The following LDLRAD4 variants were observed in gnomAD, a reference collection of about 807,000 sequenced individuals.
LDLRAD4 encodes low-density lipoprotein receptor class A domain-containing protein 4.
Under a neutral mutation model 17.0 loss-of-function variants are expected in LDLRAD4, and 5 were observed. The observed-to-expected ratio is 0.29, with a 90% CI of 0.15 to 0.62. LDLRAD4 has a LOEUF of 0.62. Among genes scored for constraint, LDLRAD4 ranks in the 20% least tolerant of loss-of-function variants. LDLRAD4 has a pLI of 0.84. For synonymous variants in LDLRAD4, 168 were observed against 171.8 expected, an observed-to-expected ratio of 0.98 and a Z score of 0.17; for missense variants, 340 against 424.7, an observed-to-expected ratio of 0.80 and a Z score of 1.75.
intron 1 of LDLRAD4, among the ~76,000 whole-genome samples, chr18:13,270,998 G>T (rs1289350695): frequency 6.6e-6 from 1 of 152,162 alleles, no homozygotes; most frequent in Non-Finnish European, 1.5e-5. Flanking sequence ...AGTACACAGT[G>T]ACTACTACTA....
Position 13,505,180 on chromosome 18 carries a change from G to C in LDLRAD4, c.181+66796G>C, listed in dbSNP as rs187677660. ...TAGGAGCTGGTTACCCACAAGCGAA[G>C]CCTCAGTTAGATTCTCCCAGCAGAG... is the stretch of plus-strand genomic sequence containing the variant. On this transcript the variant is annotated intron_variant, in intron 3 of 5. Coordinates refer to ENST00000359446, the Ensembl canonical transcript of LDLRAD4. Among the ~76,000 whole-genome samples the C allele has an allele frequency of 3.3e-5, 5 of 152,340 alleles. No homozygotes were observed. The East Asian group carries it at 9.6e-4, about 29-fold the overall frequency.
At chr18:13,484,685 TCTG>T (rs2093175323) in intron 3 of LDLRAD4, among the ~76,000 whole-genome samples, 1 of 152,130 alleles carries the variant, frequency 6.6e-6, no homozygotes, top group Non-Finnish European at 1.5e-5. Context: ...GAAATTTTCT[TCTG>T]TAGGAATTAA....
At chr18:13,415,435 G>A (rs999082642) in intron 2 of LDLRAD4, among the ~76,000 whole-genome samples, 1 of 152,186 alleles carries the variant, frequency 6.6e-6, no homozygotes, top group African/African-American at 2.4e-5. Context: ...GAACAGCTGC[G>A]GTGGCAGCCC....
intron 1 of LDLRAD4, among the ~76,000 whole-genome samples, chr18:13,243,319 G>A (rs1463140250): frequency 6.6e-6 from 1 of 152,138 alleles, no homozygotes; most frequent in Non-Finnish European, 1.5e-5. Flanking sequence ...AGTGGACACT[G>A]GAATATCTCT....
intron 3 of LDLRAD4, among the ~76,000 whole-genome samples, chr18:13,447,828 A>G (rs1233361678): frequency 6.6e-6 from 1 of 152,212 alleles, no homozygotes; most frequent in Non-Finnish European, 1.5e-5. Flanking sequence ...CAGATGGGTC[A>G]TGAATACTGT....
At chr18:13,589,180 C>G (rs538680123) in intron 3 of LDLRAD4, among the ~76,000 whole-genome samples, 26 of 152,258 alleles carry the variant, frequency 1.7e-4, no homozygotes, top group African/African-American at 6.3e-4. Context: ...GTGATCCACC[C>G]ATCTCAGCCT....
intron 3 of LDLRAD4, chr18:13,585,259 A>G (rs1305531555): frequency 6.6e-6 from 1 of 152,228 alleles, no homozygotes; most frequent in East Asian, 1.9e-4. Context: ...ATGCATCAGG[A>G]ACAAATCTGT....
intron 3 of LDLRAD4, among the ~76,000 whole-genome samples, chr18:13,468,999 A>G (rs1243976640): frequency 4.0e-5 from 6 of 150,220 alleles, no homozygotes; most frequent in African/African-American, 1.5e-4. Context: ...TTAAAGTATA[A>G]TAATAATAAA....
At chr18:13,562,550 A>G (rs1444103570) in intron 3 of LDLRAD4, among the ~76,000 whole-genome samples, 3 of 152,238 alleles carry the variant, frequency 2.0e-5, no homozygotes, top group Non-Finnish European at 4.4e-5. Flanking sequence ...TCAGGCTCAC[A>G]TGTTCACCAC....
At chr18:13,246,247 T>C (rs2042948595) in intron 1 of LDLRAD4, among the ~76,000 whole-genome samples, 1 of 152,244 alleles carries the variant, frequency 6.6e-6, no homozygotes, top group African/African-American at 2.4e-5. Context: ...CATCACTGAC[T>C]TCAGGCTCTG....
intron 1 of LDLRAD4, among the ~76,000 whole-genome samples, chr18:13,313,137 T>A (rs2146765420): frequency 6.6e-6 from 1 of 152,320 alleles, no homozygotes; most frequent in African/African-American, 2.4e-5. Flanking sequence ...TTTGGGCGGC[T>A]AGAAGGATCT....
chr18:13,527,459 A>G (rs2094051163), intron 3 of LDLRAD4, among the ~76,000 whole-genome samples: 2 of 152,158 alleles, frequency 1.3e-5, no homozygotes, highest in Non-Finnish European at 2.9e-5. Context: ...TGTTGCACAC[A>G]CAGCTTTTCC....
Position 13,622,926 on chromosome 18 carries a change from G to A in LDLRAD4, c.336+1655G>A, listed in dbSNP as rs2040788515. Among the ~76,000 whole-genome samples the A allele has an allele frequency of 6.6e-6, 1 of 152,198 alleles. No individual in the cohort carries two copies. The highest frequency in any genetic ancestry group is 1.5e-5 in the Non-Finnish European group (1 of 68,022). On this transcript the variant is annotated intron_variant, in intron 4 of 5. Transcript: ENST00000359446. This position sits in a 1 kb window ranked among gnomAD's most constrained non-coding sequence, Gnocchi z 5.3. Reference sequence around the variant, plus strand: ...GTCTCTGTGCGCAGGCACACAGGGAGTTTTCTGTCCCCTGCCTGGGCGCTC... The same window carrying A: ...GTCTCTGTGCGCAGGCACACAGGGAATTTTCTGTCCCCTGCCTGGGCGCTC...
At chr18:13,235,644 G>A (rs1283558871) in intron 1 of LDLRAD4, among the ~76,000 whole-genome samples, 1 of 152,240 alleles carries the variant, frequency 6.6e-6, no homozygotes, top group Non-Finnish European at 1.5e-5. Context: ...CATTCCTATT[G>A]ATGGCTTTTA....
At chr18:13,535,133 T>C (rs1254561964) in intron 3 of LDLRAD4, among the ~76,000 whole-genome samples, 1 of 152,226 alleles carries the variant, frequency 6.6e-6, no homozygotes, top group African/African-American at 2.4e-5. Context: ...AATATTTCTG[T>C]GAATATTCAC....
chr18:13,590,117 G>A (rs1301020765), intron 3 of LDLRAD4, among the ~76,000 whole-genome samples: 1 of 151,920 alleles, frequency 6.6e-6, no homozygotes, highest in Non-Finnish European at 1.5e-5. Context: ...GTGACTGCAT[G>A]TGCGTGGGTG....
chr18:13,287,055 G>A (rs2045667011), intron 1 of LDLRAD4, among the ~76,000 whole-genome samples: 1 of 152,152 alleles, frequency 6.6e-6, no homozygotes, highest in Admixed American at 6.5e-5. Flanking sequence ...GGGCAAATGT[G>A]GGGAAATGAC....
rs567314170 is a variant in LDLRAD4 at position 13,324,311 on chromosome 18, G to A, written c.-383+46123G>A. 5.8e-4 allele frequency among the ~76,000 whole-genome samples: 72 copies of A among 125,186 alleles called. 2 individuals are homozygous for A. The East Asian group carries it at 0.016, about 28-fold the overall frequency. 82.1% of individuals were successfully genotyped at this position (125,186 alleles called of 152,430 possible). ...TGCCACCACACCTGGCTAATTTTTC[G>A]TATTTTTTTTTTAGTAGAGATGGGG... is the stretch of plus-strand genomic sequence containing the variant. On this transcript the variant is annotated intron_variant, in intron 1 of 5. Coordinates refer to ENST00000359446, the Ensembl canonical transcript of LDLRAD4.
intron 1 of LDLRAD4, among the ~76,000 whole-genome samples, chr18:13,376,094 G>A (rs960540584): frequency 5.9e-5 from 9 of 152,118 alleles, no homozygotes; most frequent in Non-Finnish European, 2.9e-5. Flanking sequence ...CTCTGGGAGG[G>A]AGGGTAGGCA....
Sources: allele counts gnomAD v4.1 joint callset (sites outside exome capture counted in the v4.1 genomes callset), GRCh38; gene constraint gnomAD v4.1.1; non-coding constraint Gnocchi (gnomAD v3.1); transcripts MANE v1.5; gene names NCBI Gene and HGNC (gene_info 2026-07-23, HGNC 2026-07-21).